DLGAP1: variants seen among roughly 807,000 people sequenced by gnomAD.
DLGAP1 encodes the protein DLG associated protein 1, also known as disks large-associated protein 1.
DLGAP1 carries 11 observed loss-of-function variants against 90.8 expected under a neutral mutation model. The ratio of observed to expected loss-of-function variants is 0.12; its 90% CI spans 0.08 to 0.20. DLGAP1 has a LOEUF of 0.20. Among genes scored for constraint, DLGAP1 ranks in the 10% least tolerant of loss-of-function variants. DLGAP1 has a pLI of 1.00. For missense variants in DLGAP1, 1,050 were observed against 1,333.8 expected, an observed-to-expected ratio of 0.79 and a Z score of 3.31; for synonymous variants, 558 against 540.7, an observed-to-expected ratio of 1.03 and a Z score of -0.44.
chr18:3,993,751 C>T (rs556874117), intron 3 of DLGAP1, among the ~76,000 whole-genome samples: 1 of 152,184 alleles, frequency 6.6e-6, no homozygotes, highest in South Asian at 2.1e-4. Flanking sequence ...AGTTTCCCTT[C>T]TCATGGGATC....
chr18:4,115,477 C>CCTTCCTTTCTTT lies in DLGAP1; in HGVS notation c.-159+35702_-159+35703insAAAGAAAGGAAG, dbSNP rs1555742752. Among the ~76,000 whole-genome samples the CCTTCCTTTCTTT allele has an allele frequency of 7.5e-3, 1,084 of 145,496 alleles. 23 individuals carry two copies. Among genetic ancestry groups the CCTTCCTTTCTTT allele is most frequent in the African/African-American group, 0.027 (971 of 36,098 alleles). ...AACTACCATCTAGTGTCATTTTCTTCCTTTCTTTCTTTCTTTCTTTTTTTT... is the reference window on the plus strand; with the variant it reads ...AACTACCATCTAGTGTCATTTTCTTCCTTCCTTTCTTTCTTTCTTTCTTTCTTTCTTTTTTTT... On this transcript the variant is annotated intron_variant, in intron 2 of 12. Transcript: ENST00000315677.
chr18:4,408,789 C>G (rs1236514417), intron 1 of DLGAP1, among the ~76,000 whole-genome samples: 1 of 152,126 alleles, frequency 6.6e-6, no homozygotes, highest in Non-Finnish European at 1.5e-5. Flanking sequence ...ATTGTTAAAA[C>G]TGTGTATCAG....
intron 3 of DLGAP1, among the ~76,000 whole-genome samples, chr18:3,970,783 G>A (rs1192638690): frequency 1.3e-5 from 2 of 151,998 alleles, no homozygotes; most frequent in Non-Finnish European, 2.9e-5. Context: ...TAAAAATCTG[G>A]AAGCAAAAGG....
At chr18:3,999,608 AAACAAC>A (rs71160929) in intron 3 of DLGAP1, among the ~76,000 whole-genome samples, 3 of 151,884 alleles carry the variant, frequency 2.0e-5, no homozygotes, top group African/African-American at 7.3e-5. Flanking sequence ...AAAGTAACAA[AAACAAC>A]AACAACAACA....
intron 7 of DLGAP1, among the ~76,000 whole-genome samples, chr18:3,692,104 C>T (rs1174546377): frequency 1.3e-5 from 2 of 152,096 alleles, no homozygotes; most frequent in African/African-American, 2.4e-5. Flanking sequence ...CTTAGGAGGA[C>T]TTTGAAAAAT....
chr18:3,648,921 G>T (rs1366541190), intron 7 of DLGAP1, among the ~76,000 whole-genome samples: 1 of 152,180 alleles, frequency 6.6e-6, no homozygotes, highest in African/African-American at 2.4e-5. Context: ...ATGGTGCTTG[G>T]GATGCACACT....
At chr18:4,372,209 A>G (rs2081931382) in intron 1 of DLGAP1, among the ~76,000 whole-genome samples, 1 of 152,236 alleles carries the variant, frequency 6.6e-6, no homozygotes, top group Non-Finnish European at 1.5e-5. Flanking sequence ...AGAACCAGGT[A>G]TAAAATGGCT....
At chr18:3,925,836 G>T (rs745925724) in intron 3 of DLGAP1, among the ~76,000 whole-genome samples, 1 of 152,156 alleles carries the variant, frequency 6.6e-6, no homozygotes, top group African/African-American at 2.4e-5. Flanking sequence ...AATGGCCAAA[G>T]AAAGCCAGAA....
chr18:3,936,641 T>C (rs148123933), intron 3 of DLGAP1, among the ~76,000 whole-genome samples: 2 of 152,356 alleles, frequency 1.3e-5, no homozygotes, highest in African/African-American at 2.4e-5. Context: ...GATTGATTCA[T>C]CACCTTTGCA....
intron 9 of DLGAP1, among the ~76,000 whole-genome samples, chr18:3,541,728 G>C (rs1355926063): frequency 6.6e-6 from 1 of 152,184 alleles, no homozygotes; most frequent in Non-Finnish European, 1.5e-5. Context: ...GCGATCAAAA[G>C]AGATCTTTTA....
intron 9 of DLGAP1, among the ~76,000 whole-genome samples, chr18:3,566,159 GATAA>G (rs900859089): frequency 2.0e-5 from 3 of 150,328 alleles, no homozygotes; most frequent in Admixed American, 2.0e-4. Flanking sequence ...CTTTTACAAT[GATAA>G]ATAATGTTTC....
chr18:4,192,224 A>C (rs1007481865), intron 1 of DLGAP1, among the ~76,000 whole-genome samples: 12 of 152,160 alleles, frequency 7.9e-5, no homozygotes, highest in African/African-American at 2.7e-4. Context: ...CATTTAAATA[A>C]AAAACACAAA....
chr18:3,594,372 A>C, intron 7 of DLGAP1: 1 of 112,962 alleles, frequency 8.9e-6, no homozygotes, highest in African/African-American at 3.4e-5. Flanking sequence ...CTCCCAACCA[A>C]AAGTCTGTAA....
intron 9 of DLGAP1, among the ~76,000 whole-genome samples, chr18:3,561,707 G>A (rs950860613): frequency 2.0e-5 from 3 of 150,630 alleles, no homozygotes; most frequent in South Asian, 2.1e-4. Context: ...CATGGTTTCC[G>A]AGAAGTTGGA....
chr18:3,518,809 T>C (rs1455955345), intron 10 of DLGAP1, among the ~76,000 whole-genome samples: 1 of 152,226 alleles, frequency 6.6e-6, no homozygotes, highest in Admixed American at 6.5e-5. Context: ...TCTTTAGTTC[T>C]TGGGCATTTA....
At chr18:3,828,639 C>CAAAAAAAAAAAAAAAAAAAAA (rs71368713) in intron 4 of DLGAP1, among the ~76,000 whole-genome samples, 1 of 21,368 alleles carries the variant, frequency 4.7e-5, no homozygotes, top group African/African-American at 1.9e-4. Context: ...GACTCTATCT[C>CAAAAAAAAAAAAAAAAAAAAA]AAAAAAAAAA....
intron 10 of DLGAP1, among the ~76,000 whole-genome samples, chr18:3,515,481 A>AT (rs2050783507): frequency 1.4e-5 from 2 of 139,270 alleles, no homozygotes; most frequent in African/African-American, 5.3e-5. Flanking sequence ...AAAAAAAAAA[A>AT]AAAAATTGGA....
At chr18:4,384,723 C>T (rs758456595) in intron 1 of DLGAP1, among the ~76,000 whole-genome samples, 25 of 152,046 alleles carry the variant, frequency 1.6e-4, no homozygotes, top group Non-Finnish European at 3.5e-4. Context: ...TATCTGAAGG[C>T]TAGACCCTGT....
Position 4,270,122 on chromosome 18 carries a change from T to C in DLGAP1, c.-266-118835A>G, listed in dbSNP as rs114063265. 7.6e-3 allele frequency among the ~76,000 whole-genome samples: 1,165 copies of C among 152,334 alleles called. 19 individuals are homozygous for C. Among genetic ancestry groups the C allele is most frequent in the African/African-American group, 0.026 (1,082 of 41,572 alleles). On this transcript the variant is annotated intron_variant, in intron 1 of 12. Transcript: ENST00000315677. ...TCCTCTTATTAAAGAACCGGATCTC[T>C]CTCATTCTCTGAGAAAGTCCCTTTG...
Sources: allele counts gnomAD v4.1 joint callset (sites outside exome capture counted in the v4.1 genomes callset), GRCh38; gene constraint gnomAD v4.1.1; transcripts MANE v1.5; gene names NCBI Gene and HGNC (gene_info 2026-07-23, HGNC 2026-07-21).